The following USF2 variants were observed in gnomAD, a reference collection of about 807,000 sequenced individuals.
The protein encoded by USF2 is upstream stimulatory factor 2.
In USF2, 16 loss-of-function variants were observed where a neutral mutation model predicts 46.9. That is an observed-to-expected ratio of 0.34 (90% CI 0.23 to 0.52). The LOEUF is 0.52. Among genes scored for constraint, USF2 ranks in the 20% least tolerant of loss-of-function variants. The pLI, the probability that USF2 is intolerant of heterozygous loss-of-function variation, is 0.96. For missense variants in USF2, 411 were observed against 474.0 expected (o/e 0.87, Z 1.23); for synonymous variants, 239 against 194.1 (o/e 1.23, Z -1.92).
chr19:35,272,893 C>T (rs559043479), intron 7 of USF2, among the ~76,000 whole-genome samples: 5 of 152,050 alleles, frequency 3.3e-5, no homozygotes, highest in Admixed American at 1.3e-4. Flanking sequence ...CCCAGCCCCA[C>T]GACTTACCTG....
rs201285877 is a variant in USF2, at chr19:35,279,046, A to C, written c.923A>C (p.Gln308Pro). 6 of 1,598,934 alleles carry C rather than the reference A, an allele frequency of 3.8e-6. No individual in the cohort carries two copies. The highest frequency in any genetic ancestry group is 4.3e-6 in the Non-Finnish European group (5 of 1,172,336). The change falls in exon 9 of 10, where the codon CAG (glutamine) becomes CCG (proline). Residue 308 changes from glutamine to proline, a missense_variant. Physicochemically the swap from Gln to Pro is moderately conservative, Grantham distance 76. Coordinates refer to ENST00000222305, the MANE Select transcript of USF2 (RefSeq NM_003367.4). ...ACCTTCAAAGAGGCCGAGCGGCTGC[A>C]GATGGACAACGAGCTCCTGAGGCAG... is the stretch of plus-strand genomic sequence containing the variant. ...QETFKEAERLQMDNELLRQQI... is the reference protein window; with the variant it reads ...QETFKEAERLPMDNELLRQQI...
intron 4 of USF2, 132 bp downstream of exon 4, chr19:35,270,135 G>A: frequency 9.1e-7 from 1 of 1,094,384 alleles, no homozygotes; most frequent in Non-Finnish European, 1.2e-6. Context: ...AGGCTGCATG[G>A]GGCCAGATCC....
At chr19:35,273,660 C>T (rs1337021639) in intron 7 of USF2, among the ~76,000 whole-genome samples, 2 of 152,180 alleles carry the variant, frequency 1.3e-5, no homozygotes, top group African/African-American at 2.4e-5. Context: ...CAGGCTCAAG[C>T]GATCCTCACA....
chr19:35,271,200 C>T (rs966994716), intron 7 of USF2, 59 bp downstream of exon 7: 20 of 1,602,344 alleles, frequency 1.2e-5, no homozygotes, highest in Middle Eastern at 1.7e-4. Flanking sequence ...GCTCAGCCAG[C>T]CCTGGAGTGT....
At chr19:35,269,382 G>C in intron 1 of USF2, 64 bp from the exon 2 acceptor site, 1 of 1,288,728 alleles carries the variant, frequency 7.8e-7, no homozygotes, top group East Asian at 3.5e-5. Flanking sequence ...CCTGCAGCTG[G>C]GCGCGGGGGC....
intron 7 of USF2, chr19:35,275,015 C>T (rs569654755): frequency 6.6e-5 from 10 of 152,304 alleles, no homozygotes; most frequent in African/African-American, 2.4e-4. Flanking sequence ...TTGATTTCTA[C>T]TCTTAATGTT....
chr19:35,278,202 C>T (rs920142294), intron 7 of USF2: 9 of 153,266 alleles, frequency 5.9e-5, no homozygotes, highest in Non-Finnish European at 1.2e-4. Context: ...AACAAAATCA[C>T]GGTGCCAGAG....
At chr19:35,273,489 C>G (rs75443735) in intron 7 of USF2, among the ~76,000 whole-genome samples, 1 of 152,222 alleles carries the variant, frequency 6.6e-6, no homozygotes, top group East Asian at 1.9e-4. Context: ...GCCGGGGAAT[C>G]TGTGTTTTCC....
At position 35,279,170 on chromosome 19, in the gene USF2, G is replaced by C. The variant is rs757056187; in HGVS notation, c.955G>C (p.Glu319Gln). ...TGACCTCCGTCGTGTCCGCCAGATC[G>C]AGGAGCTGAAGAATGAGAACGCCCT... ...MDNELLRQQI[E>Q]ELKNENALLR... The change falls in exon 10 of 10, where the codon GAG becomes CAG. Residue 319 changes from glutamate (E) to glutamine (Q), a missense_variant. Glu to Gln is a conservative substitution (Grantham distance 29). Coordinates refer to ENST00000222305, the MANE Select transcript of USF2 (RefSeq NM_003367.4). 3 of 1,608,840 alleles carry C rather than the reference G, an allele frequency of 1.9e-6. No homozygotes were observed. Among genetic ancestry groups the C allele is most frequent in the Non-Finnish European group, 2.5e-6 (3 of 1,177,932 alleles).
In USF2 at chr19:35,269,485, G is replaced by T. The variant is rs1396844133; in HGVS notation, c.102G>T (p.Leu34=). The change falls in exon 2 of 10, where the codon CTG becomes CTT. Residue 34 remains leucine (L), a synonymous_variant. Coordinates refer to ENST00000222305, the MANE Select transcript of USF2 (RefSeq NM_003367.4). ...CCGAGGCGGAGGAGGGCGTCGAGCT[G>T]CAGGAAGGTGAGTGCTTGCCGGGCC... ...KGPEAEEGVE[L]QEGGDGPGAE... 1.9e-6 allele frequency: 3 copies of T among 1,553,668 alleles called. No homozygotes were observed. Among genetic ancestry groups the T allele is most frequent in the Non-Finnish European group, 2.6e-6 (3 of 1,156,684 alleles).
chr19:35,270,519 G>A lies in USF2; in HGVS notation c.502G>A (p.Ala168Thr), dbSNP rs1382494953. The change falls in exon 5 of 10, where the codon GCC (alanine) becomes ACC (threonine). Residue 168 changes from alanine to threonine, a missense_variant. By Grantham distance (58) the Ala-to-Thr change is moderately conservative (BLOSUM62 0). Around this residue, in one of 2 missense-constraint regions of USF2, gnomAD observed 318 missense variants for 322.4 expected, o/e 0.99. Transcript: ENST00000222305. ...AEAVSGEARF[A>T]YFPASSVGDT... The stretch of plus-strand genomic sequence containing the variant: ...GGCTGTCAGCGGGGAGGCACGATTT[G>A]CCTATTTCCCAGCGTCCAGTGTGGG... 14 of 1,614,042 alleles carry A rather than the reference G, an allele frequency of 8.7e-6. No homozygotes were observed. The highest frequency in any genetic ancestry group is 9.3e-6 in the Non-Finnish European group (11 of 1,180,028).
In USF2 at chr19:35,271,173, G is replaced by GACC. The variant is rs979630833; in HGVS notation, c.727+39_727+41dup. The GACC allele has an allele frequency of 1.9e-6, 3 of 1,613,240 alleles. No individual in the cohort carries two copies. In the African/African-American group the frequency reaches 4.0e-5, roughly 22 times the overall value. On this transcript the variant is annotated intron_variant, in intron 7 of 9. Transcript: ENST00000222305. The stretch of plus-strand genomic sequence containing the variant: ...ACAAGGTGTGGCTCCGGGTCCCCCT[G>GACC]ACCACCACCCTCACAGGCTCAGCCA...
intron 4 of USF2, 100 bp downstream of exon 4, chr19:35,270,103 G>C: frequency 7.9e-7 from 1 of 1,270,088 alleles, no homozygotes; most frequent in Admixed American, 3.8e-5. Context: ...GTGTCGCCCA[G>C]CGGATGCTGC....
chr19:35,273,491 G>A (rs1282228342), intron 7 of USF2, among the ~76,000 whole-genome samples: 1 of 152,212 alleles, frequency 6.6e-6, no homozygotes, highest in Admixed American at 6.5e-5. Context: ...CGGGGAATCT[G>A]TGTTTTCCAT....
rs1406265070 is a variant in USF2, at chr19:35,279,424, C to T, written c.*168C>T. On this transcript the variant is annotated 3_prime_UTR_variant, in exon 10 of 10. Transcript: ENST00000222305. ...TAATGCATTTCTGTGGATACAGTGC[C>T]CACCGCCCTCCTCCACTTGGAAACG... The T allele has an allele frequency of 2.8e-6, 2 of 702,882 alleles. No homozygotes were observed. Among genetic ancestry groups the T allele is most frequent in the African/African-American group, 3.8e-5 (2 of 53,288 alleles). 43.5% of individuals were successfully genotyped at this position (702,882 alleles called of 1,614,324 possible). A position where few individuals can be genotyped will look rare whatever the true frequency, so the allele number is the denominator to read the frequency against.
intron 7 of USF2, among the ~76,000 whole-genome samples, chr19:35,272,683 G>A (rs2066174177): frequency 6.6e-6 from 1 of 152,044 alleles, no homozygotes; most frequent in South Asian, 2.1e-4. Context: ...GTTGGCAAGA[G>A]TGGTGGGAAG....
chr19:35,270,168 G>C (rs1264783539), intron 4 of USF2, 165 bp downstream of exon 4: 1 of 983,108 alleles, frequency 1.0e-6, no homozygotes, highest in Admixed American at 3.3e-5. Flanking sequence ...GTGAAACCTG[G>C]GGACAGTGCT....
chr19:35,272,491 A>G (rs893062493), intron 7 of USF2, among the ~76,000 whole-genome samples: 2 of 152,156 alleles, frequency 1.3e-5, no homozygotes, highest in East Asian at 1.9e-4. Context: ...CAGGGCCGCC[A>G]TGGTGTGTCT....
chr19:35,279,389 C>G lies in USF2; in HGVS notation c.*133C>G, dbSNP rs1051995. 1 of 1,021,434 alleles carries G rather than the reference C, an allele frequency of 9.8e-7. No individual in the cohort carries two copies. The highest frequency in any genetic ancestry group is 1.3e-6 in the Non-Finnish European group (1 of 743,294). The allele number at this position is 1,021,434 out of a possible 1,614,324, so 63.3% of individuals were successfully genotyped here. A position where few individuals can be genotyped will look rare whatever the true frequency, so the allele number is the denominator to read the frequency against. The stretch of plus-strand genomic sequence containing the variant: ...TTTATAGTAGATTTTTAACAAAAAA[C>G]GGGGAGAAATAATGCATTTCTGTGG... On this transcript the variant is annotated 3_prime_UTR_variant, in exon 10 of 10. Coordinates refer to ENST00000222305, the MANE Select transcript of USF2 (RefSeq NM_003367.4).
Sources: allele counts gnomAD v4.1 joint callset (sites outside exome capture counted in the v4.1 genomes callset), GRCh38; gene constraint gnomAD v4.1.1; regional missense constraint gnomAD v4.1.1; transcripts MANE v1.5; gene names NCBI Gene and HGNC (gene_info 2026-07-23, HGNC 2026-07-21).